FER: variants seen among roughly 807,000 people sequenced by gnomAD.
The protein encoded by FER is FER tyrosine kinase.
Under a neutral mutation model 111.0 loss-of-function variants are expected in FER, and 63 were observed. The ratio of observed to expected loss-of-function variants is 0.57; its 90% CI spans 0.46 to 0.70. The LOEUF is 0.70. Ranked by LOEUF, FER falls within the 30% of genes least tolerant of loss-of-function variation. The pLI is 0.00. For missense variants in FER, 914 were observed against 954.0 expected (o/e 0.96, Z 0.55); for synonymous variants, 327 against 313.9 (o/e 1.04, Z -0.44).
At chr5:109,115,475 GTATCT>G (rs1750114906) in intron 17 of FER, among the ~76,000 whole-genome samples, 1 of 151,968 alleles carries the variant, frequency 6.6e-6, no homozygotes, top group Non-Finnish European at 1.5e-5. Flanking sequence ...AAAGTAAGTG[GTATCT>G]TATCTTAACT....
At chr5:108,918,887 T>C (rs1370261027) in intron 10 of FER, among the ~76,000 whole-genome samples, 2 of 152,236 alleles carry the variant, frequency 1.3e-5, no homozygotes, top group African/African-American at 2.4e-5. Context: ...GAGTTCTCAA[T>C]TGTATTCTGA....
At chr5:109,185,047 A>G (rs1758709729) in intron 18 of FER, among the ~76,000 whole-genome samples, 1 of 152,190 alleles carries the variant, frequency 6.6e-6, no homozygotes, top group South Asian at 2.1e-4. Flanking sequence ...AGTAAAAAAT[A>G]CAAATATGTT....
chr5:108,917,333 G>C (rs1287383694), intron 10 of FER, among the ~76,000 whole-genome samples: 1 of 152,070 alleles, frequency 6.6e-6, no homozygotes, highest in Non-Finnish European at 1.5e-5. Context: ...TAAGGTGATG[G>C]AGTAATTATT....
chr5:108,871,588 ATACT>A (rs1314112891), intron 7 of FER, 86 bp downstream of exon 7: 1 of 965,030 alleles, frequency 1.0e-6, no homozygotes, highest in African/African-American at 1.6e-5. Flanking sequence ...AAAATAAGAA[ATACT>A]TAAGATCTTA....
chr5:108,884,173 T>C (rs1468237592), intron 9 of FER, among the ~76,000 whole-genome samples: 1 of 152,058 alleles, frequency 6.6e-6, no homozygotes, highest in Non-Finnish European at 1.5e-5. Flanking sequence ...TAATCCTGAC[T>C]AGACCTCACA....
intron 17 of FER, among the ~76,000 whole-genome samples, chr5:109,138,675 C>G (rs1429491194): frequency 6.6e-6 from 1 of 152,090 alleles, no homozygotes; most frequent in Non-Finnish European, 1.5e-5. Flanking sequence ...ATTTTAATAT[C>G]AGTCAGCTAT....
At position 109,190,795 on chromosome 5, in the gene FER, G is replaced by A. The variant is rs562392017; in HGVS notation, c.*3220G>A. On this transcript the variant is annotated 3_prime_UTR_variant, in exon 20 of 20. Transcript: ENST00000281092. ...TAAAATTCTCCTTTCGTAATTCACT[G>A]TTTTATTACAAATACGATATTACTG... 1 of 152,210 alleles carries A rather than the reference G, an allele frequency of 6.6e-6. No homozygotes were observed. Among genetic ancestry groups the A allele is most frequent in the East Asian group, 1.9e-4 (1 of 5,186 alleles). 9.4% of individuals were successfully genotyped at this position (152,210 alleles called of 1,614,324 possible).
intron 17 of FER, among the ~76,000 whole-genome samples, chr5:109,164,597 A>G (rs533624049): frequency 1.3e-5 from 2 of 152,132 alleles, no homozygotes; most frequent in Non-Finnish European, 2.9e-5. Context: ...TGTTTTCACT[A>G]TATTTGCTGC....
intron 14 of FER, among the ~76,000 whole-genome samples, chr5:109,042,866 G>A (rs77217680): frequency 0.045 from 6,907 of 152,156 alleles, 249 homozygotes; most frequent in South Asian, 0.11. Flanking sequence ...TAACAGTTGG[G>A]GGTTATAATG....
At chr5:109,088,361 G>A (rs186835199) in intron 16 of FER, among the ~76,000 whole-genome samples, 7 of 152,066 alleles carry the variant, frequency 4.6e-5, no homozygotes, top group Admixed American at 3.9e-4. Flanking sequence ...TGTATTTAAG[G>A]TACTAAATTA....
intron 10 of FER, among the ~76,000 whole-genome samples, chr5:108,906,521 C>T (rs868638230): frequency 2.1e-5 from 3 of 145,418 alleles, no homozygotes; most frequent in Non-Finnish European, 4.6e-5. Flanking sequence ...CCTTTTATGA[C>T]GTTATTAGAG....
At chr5:108,920,444 A>G (rs984370623) in intron 10 of FER, among the ~76,000 whole-genome samples, 4 of 152,264 alleles carry the variant, frequency 2.6e-5, no homozygotes, top group Middle Eastern at 3.4e-3. Context: ...GTCACTTCAT[A>G]CAATAAAGTA....
intron 13 of FER, among the ~76,000 whole-genome samples, chr5:109,036,534 A>G (rs1770425517): frequency 6.6e-6 from 1 of 152,036 alleles, no homozygotes; most frequent in South Asian, 2.1e-4. Context: ...TAATGAGGGG[A>G]AAACTACACT....
intron 5 of FER, among the ~76,000 whole-genome samples, chr5:108,844,005 T>TATATATATGTGTGTGAAC (rs1223095830): frequency 0.035 from 3,955 of 112,816 alleles, 637 homozygotes; most frequent in Middle Eastern, 0.061. Flanking sequence ...TTTCTATGTA[T>TATATATATGTGTGTGAAC]ATATATATGT....
chr5:109,135,613 G>A (rs1752804829), intron 17 of FER, among the ~76,000 whole-genome samples: 1 of 152,090 alleles, frequency 6.6e-6, no homozygotes, highest in Non-Finnish European at 1.5e-5. Flanking sequence ...GACTTTTGGG[G>A]GCAATAGACT....
intron 17 of FER, among the ~76,000 whole-genome samples, chr5:109,164,686 A>G (rs1756351946): frequency 6.6e-6 from 1 of 152,064 alleles, no homozygotes; most frequent in Admixed American, 6.6e-5. Flanking sequence ...ATTCTAATTG[A>G]TGCCTTTTCC....
At chr5:109,144,352 T>C (rs184910612) in intron 17 of FER, among the ~76,000 whole-genome samples, 14 of 152,178 alleles carry the variant, frequency 9.2e-5, no homozygotes, top group Non-Finnish European at 1.5e-4. Context: ...GCATTCTGGA[T>C]TGGTGATGTC....
chr5:108,977,160 A>T (rs183544240), intron 13 of FER, among the ~76,000 whole-genome samples: 5 of 152,224 alleles, frequency 3.3e-5, no homozygotes, highest in African/African-American at 1.2e-4. Context: ...TACAGTAGTA[A>T]TGTATGTACT....
intron 18 of FER, among the ~76,000 whole-genome samples, chr5:109,184,636 T>C (rs75404932): frequency 0.16 from 23,803 of 152,182 alleles, 1,974 homozygotes; most frequent in African/African-American, 0.2. Context: ...CATAGAATGA[T>C]TTTCATGAAA....
Sources: gnomAD v4.1 joint callset for allele counts (sites outside exome capture counted in the v4.1 genomes callset) on GRCh38, gnomAD v4.1.1 for gene constraint, MANE v1.5 for transcripts, NCBI Gene and HGNC (gene_info 2026-07-23, HGNC 2026-07-21) for gene names.